The following VIT variants were observed in gnomAD, a reference collection of about 807,000 sequenced individuals.
The protein encoded by VIT is vitrin.
A neutral mutation model predicts 78.0 loss-of-function variants in VIT; 99 were observed. The ratio of observed to expected loss-of-function variants is 1.27; its 90% CI spans 1.08 to 1.50. The LOEUF (loss-of-function observed/expected upper bound fraction) is 1.50, where lower values mean the gene tolerates loss of function less well. VIT is among the 40% of genes most tolerant of loss of function. VIT has a pLI of 0.00. For missense variants in VIT, 1,126 were observed against 875.3 expected (o/e 1.29, Z -3.61); for synonymous variants, 374 against 334.3 (o/e 1.12, Z -1.29).
At chr2:36,788,491 C>G (rs1005151100) in intron 12 of VIT, among the ~76,000 whole-genome samples, 3 of 152,202 alleles carry the variant, frequency 2.0e-5, no homozygotes, top group Non-Finnish European at 4.4e-5. Flanking sequence ...TTAACTGGCA[C>G]TTGTATGTAG....
At chr2:36,789,908 C>T (rs894873134) in intron 12 of VIT, among the ~76,000 whole-genome samples, 25 of 152,246 alleles carry the variant, frequency 1.6e-4, no homozygotes, top group Admixed American at 1.5e-3. Flanking sequence ...AGGAGGACTC[C>T]GGAGCTCAGA....
intron 8 of VIT, 148 bp downstream of exon 8, chr2:36,773,995 A>C: frequency 1.5e-6 from 1 of 673,378 alleles, no homozygotes; most frequent in South Asian, 4.8e-5. Flanking sequence ...CAAGGGCCCA[A>C]CTTCTAAGAA....
At chr2:36,787,042 C>T in intron 11 of VIT, 87 bp from the exon 12 acceptor site, 1 of 1,512,950 alleles carries the variant, frequency 6.6e-7, no homozygotes, top group South Asian at 1.2e-5. Flanking sequence ...TCTCAGGGGG[C>T]TCTGATGGAG....
intron 11 of VIT, among the ~76,000 whole-genome samples, chr2:36,785,637 C>T (rs1485780064): frequency 6.6e-6 from 1 of 152,168 alleles, no homozygotes; most frequent in African/African-American, 2.4e-5. Flanking sequence ...TTGGTAGGCA[C>T]TGAACGCCCA....
chr2:36,802,237 C>G (rs527264125), intron 13 of VIT, among the ~76,000 whole-genome samples: 1 of 152,250 alleles, frequency 6.6e-6, no homozygotes, highest in African/African-American at 2.4e-5. Flanking sequence ...TTCACACTAA[C>G]CAAGCTCAAA....
In VIT at chr2:36,789,504, C is replaced by T. The variant is rs567453864; in HGVS notation, c.1058+2228C>T. ...AGCGGTGATACAACCATCCGTGGAG[C>T]GTGGGAAACAAAACAAATGAGAGGG... is the stretch of plus-strand genomic sequence containing the variant. On this transcript the variant is annotated intron_variant, in intron 12 of 15. Transcript: ENST00000379242. Among the ~76,000 whole-genome samples, 10 of 152,152 alleles carry T rather than the reference C, an allele frequency of 6.6e-5. No individual in the cohort carries two copies. In the South Asian group the frequency reaches 1.3e-3, roughly 19 times the overall value.
intron 13 of VIT, among the ~76,000 whole-genome samples, chr2:36,804,920 A>G (rs1666596281): frequency 6.6e-6 from 1 of 152,212 alleles, no homozygotes; most frequent in African/African-American, 2.4e-5. Context: ...GCTTGAAATG[A>G]AACCAAAATG....
intron 7 of VIT, among the ~76,000 whole-genome samples, chr2:36,769,357 G>A (rs1469688626): frequency 6.6e-6 from 1 of 152,206 alleles, no homozygotes; most frequent in African/African-American, 2.4e-5. Flanking sequence ...TAAGAAACTT[G>A]AAGTAGTGGC....
At chr2:36,791,758 T>A (rs1316275096) in intron 12 of VIT, among the ~76,000 whole-genome samples, 3 of 152,222 alleles carry the variant, frequency 2.0e-5, no homozygotes, top group Admixed American at 2.0e-4. Context: ...GGGGCACAGC[T>A]CTGGCCACAC....
chr2:36,702,405 A>AT (rs3078599), intron 1 of VIT, among the ~76,000 whole-genome samples: 46,508 of 144,282 alleles, frequency 0.32, 7,364 homozygotes, highest in African/African-American at 0.36. Flanking sequence ...AGCTCAGAGG[A>AT]TTTTTTTTTT....
At chr2:36,781,591 A>G in intron 9 of VIT, 136 bp from the exon 10 acceptor site, 1 of 883,928 alleles carries the variant, frequency 1.1e-6, no homozygotes, top group East Asian at 2.7e-5. Context: ...TGCTTCATCC[A>G]AAATTCTGGC....
At chr2:36,811,300 C>T (rs1194495496) in intron 15 of VIT, among the ~76,000 whole-genome samples, 2 of 152,216 alleles carry the variant, frequency 1.3e-5, no homozygotes, top group Non-Finnish European at 2.9e-5. Context: ...CTGCTTTCTC[C>T]AAACATCTGT....
intron 3 of VIT, among the ~76,000 whole-genome samples, chr2:36,732,739 A>C (rs1667284677): frequency 6.6e-6 from 1 of 152,224 alleles, no homozygotes; most frequent in Admixed American, 6.5e-5. Context: ...AAGACAAGTC[A>C]ACAGGCAATG....
chr2:36,809,990 C>A (rs1252060939), intron 15 of VIT, among the ~76,000 whole-genome samples: 226 of 100,664 alleles, frequency 2.2e-3, no homozygotes, highest in Admixed American at 2.5e-3. Context: ...GATCCTGTCT[C>A]AAAAAAAAAA....
At chr2:36,772,407 A>C (rs761364314) in intron 7 of VIT, among the ~76,000 whole-genome samples, 6 of 151,980 alleles carry the variant, frequency 3.9e-5, no homozygotes, top group Non-Finnish European at 8.8e-5. Flanking sequence ...ATGGTGGCAC[A>C]TGCTTGTAAT....
intron 3 of VIT, among the ~76,000 whole-genome samples, chr2:36,735,512 G>A (rs1424041037): frequency 2.0e-5 from 3 of 152,196 alleles, no homozygotes; most frequent in Non-Finnish European, 2.9e-5. Context: ...GAAGATTCGG[G>A]GTGGTCCCCT....
At chr2:36,741,934 C>A (rs1667860212) in intron 3 of VIT, among the ~76,000 whole-genome samples, 1 of 152,210 alleles carries the variant, frequency 6.6e-6, no homozygotes, top group Admixed American at 6.5e-5. Context: ...CAGCACACAA[C>A]AATCCTACTT....
At chr2:36,778,982 G>C (rs1299225687) in intron 9 of VIT, among the ~76,000 whole-genome samples, 1 of 152,202 alleles carries the variant, frequency 6.6e-6, no homozygotes, top group African/African-American at 2.4e-5. Context: ...CATGTTTGCA[G>C]CTCTTGCTTG....
chr2:36,751,310 C>T (rs1194013445), intron 4 of VIT, among the ~76,000 whole-genome samples: 1 of 152,150 alleles, frequency 6.6e-6, no homozygotes, highest in South Asian at 2.1e-4. Flanking sequence ...GCACAAGAAT[C>T]GCTTAAACCT....
Sources: allele counts gnomAD v4.1 joint callset (sites outside exome capture counted in the v4.1 genomes callset), GRCh38; gene constraint gnomAD v4.1.1; transcripts MANE v1.5; gene names NCBI Gene and HGNC (gene_info 2026-07-23, HGNC 2026-07-21).